Variants in ITCH observed in about 807,000 individuals in gnomAD.
ITCH encodes itchy E3 ubiquitin protein ligase, also known as E3 ubiquitin-protein ligase Itchy homolog.
Under a neutral mutation model 126.8 loss-of-function variants are expected in ITCH, and 28 were observed. The ratio of observed to expected loss-of-function variants is 0.22; its 90% CI spans 0.16 to 0.30. ITCH has a LOEUF of 0.30. ITCH is among the 10% of genes least tolerant of loss of function. ITCH has a pLI of 1.00. For synonymous variants in ITCH, 342 were observed against 340.0 expected (o/e 1.01, Z -0.06); for missense variants, 631 against 1,032.4 (o/e 0.61, Z 5.33).
At chr20:34,415,798 C>T (rs1351102702) in intron 6 of ITCH, among the ~76,000 whole-genome samples, 1 of 152,126 alleles carries the variant, frequency 6.6e-6, no homozygotes, top group East Asian at 1.9e-4. Context: ...CTAAGCTTCG[C>T]CCATAGAAGA....
chr20:34,376,163 C>G (rs1237093152), intron 2 of ITCH, among the ~76,000 whole-genome samples: 2 of 152,188 alleles, frequency 1.3e-5, no homozygotes, highest in East Asian at 3.9e-4. Flanking sequence ...TGGGGCTTGA[C>G]TTTCTGCAGC....
intron 23 of ITCH, among the ~76,000 whole-genome samples, chr20:34,503,874 T>TG (rs1990436356): frequency 4.8e-5 from 6 of 124,674 alleles, no homozygotes; most frequent in Non-Finnish European, 5.1e-5. Context: ...TTTTTGGTTT[T>TG]TTTTTTTTTG....
chr20:34,386,503 A>G (rs1466740316), intron 2 of ITCH, among the ~76,000 whole-genome samples: 2 of 152,186 alleles, frequency 1.3e-5, no homozygotes, highest in Non-Finnish European at 2.9e-5. Flanking sequence ...TGACTTCATT[A>G]GGGTTTAGTT....
At chr20:34,431,505 T>A (rs1473432883) in intron 7 of ITCH, among the ~76,000 whole-genome samples, 1 of 151,610 alleles carries the variant, frequency 6.6e-6, no homozygotes. Context: ...AGGATGGGAG[T>A]GAGATAAAGA....
chr20:34,503,853 G>GTTT (rs776389533), intron 23 of ITCH, among the ~76,000 whole-genome samples: 10 of 86,196 alleles, frequency 1.2e-4, no homozygotes, highest in African/African-American at 4.4e-4. Context: ...GGTTTTTTGG[G>GTTT]TTTTTTTTTT....
intron 12 of ITCH, among the ~76,000 whole-genome samples, chr20:34,450,590 A>G (rs1191418838): frequency 6.6e-6 from 1 of 152,238 alleles, no homozygotes; most frequent in African/African-American, 2.4e-5. Context: ...AGATGGCAGT[A>G]TAGAAAGTTT....
intron 2 of ITCH, among the ~76,000 whole-genome samples, chr20:34,373,948 A>G (rs1038485435): frequency 6.6e-6 from 1 of 151,766 alleles, no homozygotes; most frequent in Non-Finnish European, 1.5e-5. Flanking sequence ...GCAGTGGCAC[A>G]GTCTTGGCTG....
At chr20:34,479,854 G>A in intron 18 of ITCH, 65 bp downstream of exon 18, 1 of 1,371,300 alleles carries the variant, frequency 7.3e-7, no homozygotes, top group Non-Finnish European at 1.0e-6. Context: ...TCTCTTAGGT[G>A]CCATAACAGA....
chr20:34,492,356 C>G, intron 22 of ITCH, 145 bp from the exon 23 acceptor site: 1 of 575,188 alleles, frequency 1.7e-6, no homozygotes, highest in Non-Finnish European at 3.1e-6. Flanking sequence ...ATGATTGCAT[C>G]ACTGCACCCC....
chr20:34,407,005 A>G (rs1326589312), intron 3 of ITCH, among the ~76,000 whole-genome samples: 1 of 152,110 alleles, frequency 6.6e-6, no homozygotes, highest in African/African-American at 2.4e-5. Context: ...TACCTCATCT[A>G]TGAGGGAGCA....
rs775010326 is a variant in ITCH at position 34,480,782 on chromosome 20, C to T, written c.1952+50C>T. 6.4e-6 allele frequency: 9 copies of T among 1,395,882 alleles called. 1 individual carries two copies. The highest frequency in any genetic ancestry group is 4.8e-5 in the South Asian group (4 of 82,632). 86.5% of individuals were successfully genotyped at this position (1,395,882 alleles called of 1,614,324 possible). A position where few individuals can be genotyped will look rare whatever the true frequency, so the allele number is the denominator to read the frequency against. On this transcript the variant is annotated intron_variant, in intron 19 of 24. Transcript: ENST00000374864. ...TATTAAAATATAGTTATATGCATTC[C>T]GTGTAGTATTGATAACTTATCCAAA...
chr20:34,466,223 A>T, intron 14 of ITCH: 1 of 358,702 alleles, frequency 2.8e-6, no homozygotes, highest in South Asian at 2.2e-5. Context: ...TATTATGTTG[A>T]TTTTTCATAG....
In ITCH at chr20:34,464,322, C is replaced by CT. The variant is rs1440765809; in HGVS notation, c.1424+2113dup. On this transcript the variant is annotated intron_variant, in intron 14 of 24. Coordinates refer to ENST00000374864, the MANE Select transcript of ITCH (RefSeq NM_031483.7). Reference sequence around the variant, plus strand: ...TTTTTTTTTTTTTCTTTCTTTCTTTCTTTTTTTTTTTTGAGACGGAGCTTC... The same window carrying CT: ...TTTTTTTTTTTTTCTTTCTTTCTTTCTTTTTTTTTTTTTGAGACGGAGCTTC... Among the ~76,000 whole-genome samples the CT allele has an allele frequency of 7.2e-3, 929 of 128,682 alleles. 10 individuals carry two copies. Among genetic ancestry groups the CT allele is most frequent in the Non-Finnish European group, 7.2e-3 (430 of 59,426 alleles). The allele number at this position is 128,682 out of a possible 152,430, so 84.4% of individuals were successfully genotyped here. A position where few individuals can be genotyped will look rare whatever the true frequency, so the allele number is the denominator to read the frequency against.
intron 7 of ITCH, among the ~76,000 whole-genome samples, chr20:34,430,063 A>G (rs1274243950): frequency 6.6e-6 from 1 of 152,232 alleles, no homozygotes; most frequent in East Asian, 1.9e-4. Flanking sequence ...GTGATTAGAA[A>G]GTAGAATCAG....
intron 20 of ITCH, among the ~76,000 whole-genome samples, chr20:34,484,411 A>G (rs897604751): frequency 5.9e-5 from 9 of 152,208 alleles, no homozygotes; most frequent in Middle Eastern, 3.2e-3. Flanking sequence ...CTTGGACAAC[A>G]ATCTATCCTT....
intron 6 of ITCH, among the ~76,000 whole-genome samples, chr20:34,422,592 C>T (rs573852965): frequency 1.3e-5 from 2 of 152,040 alleles, no homozygotes; most frequent in Admixed American, 1.3e-4. Flanking sequence ...ACCACATTAA[C>T]ATCTTTATTG....
At chr20:34,501,513 C>T (rs555182588) in intron 23 of ITCH, among the ~76,000 whole-genome samples, 1 of 152,158 alleles carries the variant, frequency 6.6e-6, no homozygotes, top group Non-Finnish European at 1.5e-5. Context: ...CGGTGGCTCA[C>T]GCCTGTAATC....
chr20:34,424,667 A>G, intron 7 of ITCH, 142 bp downstream of exon 7: 1 of 797,982 alleles, frequency 1.3e-6, no homozygotes, highest in Non-Finnish European at 2.1e-6. Flanking sequence ...AAATATTTGC[A>G]AAAGATTGAA....
At position 34,382,677 on chromosome 20, in the gene ITCH, G is replaced by A. The variant is rs1415723430; in HGVS notation, c.-21-11114G>A. Among the ~76,000 whole-genome samples, 3 of 147,832 alleles carry A rather than the reference G, an allele frequency of 2.0e-5. No individual in the cohort carries two copies. In the South Asian group the frequency reaches 6.5e-4, roughly 32 times the overall value. ...CCTGCCTTGGCCTCCCAAAGTGCTG[G>A]GATTATAGGTGTGAGCCACCACGCT... is the stretch of plus-strand genomic sequence containing the variant. On this transcript the variant is annotated intron_variant, in intron 2 of 24. Coordinates refer to ENST00000374864, the MANE Select transcript of ITCH (RefSeq NM_031483.7).
Sources: allele counts gnomAD v4.1 joint callset (sites outside exome capture counted in the v4.1 genomes callset), GRCh38; gene constraint gnomAD v4.1.1; transcripts MANE v1.5; gene names NCBI Gene and HGNC (gene_info 2026-07-23, HGNC 2026-07-21).